The following UNC13C variants were observed in gnomAD, a reference collection of about 807,000 sequenced individuals.
UNC13C encodes protein unc-13 homolog C.
A neutral mutation model predicts 245.4 loss-of-function variants in UNC13C; 174 were observed. The observed-to-expected ratio is 0.71, with a 90% CI of 0.63 to 0.80. The LOEUF (loss-of-function observed/expected upper bound fraction) is 0.80, where lower values mean the gene tolerates loss of function less well. UNC13C is among the 30% of genes least tolerant of loss of function. UNC13C has a pLI of 0.00. For synonymous variants in UNC13C, 992 were observed against 895.1 expected (o/e 1.11, Z -1.93); for missense variants, 2,829 against 2,602.9 (o/e 1.09, Z -1.89).
chr15:54,248,890 G>A lies in UNC13C; in HGVS notation c.3229-1335G>A, dbSNP rs2140861314. Among the ~76,000 whole-genome samples, 3 of 152,280 alleles carry A rather than the reference G, an allele frequency of 2.0e-5. 1 individual carries two copies. In the South Asian group the frequency reaches 6.2e-4, roughly 32 times the overall value. ...GAAAACACAGAGTGAGAGGAATGTA[G>A]TAATAAAGGGAAATATGCTGTTACC... is the stretch of plus-strand genomic sequence containing the variant. On this transcript the variant is annotated intron_variant, in intron 7 of 32. Transcript: ENST00000260323.
intron 19 of UNC13C, among the ~76,000 whole-genome samples, chr15:54,449,868 G>A (rs977083343): frequency 6.6e-6 from 1 of 152,140 alleles, no homozygotes; most frequent in African/African-American, 2.4e-5. Context: ...AGAATTTTCA[G>A]TTTTTCTGCT....
In UNC13C at chr15:54,245,758, T is replaced by C. The variant is rs569658901; in HGVS notation, c.3229-4467T>C. On this transcript the variant is annotated intron_variant, in intron 7 of 32. Coordinates refer to ENST00000260323, the MANE Select transcript of UNC13C (RefSeq NM_001080534.3). ...TCACCGAAGAGTAGATATATTTTTT[T>C]CTGGAAAGCGTACATCAAGTATATG... is the stretch of plus-strand genomic sequence containing the variant. Among the ~76,000 whole-genome samples, 48 of 152,260 alleles carry C rather than the reference T, an allele frequency of 3.2e-4. 1 individual carries two copies. The highest frequency in any genetic ancestry group is 1.2e-3 in the African/African-American group (48 of 41,564).
At chr15:54,329,599 G>A (rs1254750603) in intron 14 of UNC13C, among the ~76,000 whole-genome samples, 2 of 151,952 alleles carry the variant, frequency 1.3e-5, no homozygotes, top group African/African-American at 2.4e-5. Flanking sequence ...GCTCTGCTCT[G>A]CAAAGGGAAT....
intron 4 of UNC13C, among the ~76,000 whole-genome samples, chr15:54,234,013 A>C (rs748729805): frequency 5.3e-5 from 8 of 152,228 alleles, no homozygotes; most frequent in Non-Finnish European, 1.5e-5. Context: ...AACTCATTCC[A>C]GAGAAACAAA....
At chr15:54,607,044 T>A (rs914021614) in intron 30 of UNC13C, among the ~76,000 whole-genome samples, 1 of 152,086 alleles carries the variant, frequency 6.6e-6, no homozygotes, top group Non-Finnish European at 1.5e-5. Context: ...GGAAAAAAAA[T>A]TGGCATTTTC....
chr15:54,402,150 C>G (rs1321613991), intron 18 of UNC13C, among the ~76,000 whole-genome samples: 1 of 151,550 alleles, frequency 6.6e-6, no homozygotes, highest in African/African-American at 2.4e-5. Flanking sequence ...TTTTGCAGAC[C>G]TGCAGTTCAT....
intron 2 of UNC13C, among the ~76,000 whole-genome samples, chr15:54,133,027 T>G (rs2031523006): frequency 6.6e-6 from 1 of 152,222 alleles, no homozygotes; most frequent in Non-Finnish European, 1.5e-5. Context: ...TGACTATATC[T>G]ATCCATCTTA....
intron 19 of UNC13C, among the ~76,000 whole-genome samples, chr15:54,482,303 T>G (rs1893163845): frequency 6.6e-6 from 1 of 152,206 alleles, no homozygotes; most frequent in Non-Finnish European, 1.5e-5. Context: ...GCTCTCAAAA[T>G]AGCACAATAT....
intron 4 of UNC13C, among the ~76,000 whole-genome samples, chr15:54,155,037 C>T (rs1196726153): frequency 1.3e-5 from 2 of 152,086 alleles, no homozygotes; most frequent in African/African-American, 4.8e-5. Flanking sequence ...AAACCTGTTC[C>T]AATCTTAATG....
the UNC13C span, among the ~76,000 whole-genome samples, chr15:53,891,930 T>G: frequency 6.6e-6 from 1 of 152,246 alleles, no homozygotes; most frequent in Admixed American, 6.5e-5. Context: ...TTTTGTCCAT[T>G]AGTTGATGCA....
intron 2 of UNC13C, among the ~76,000 whole-genome samples, chr15:54,141,856 T>C (rs1286293889): frequency 6.6e-6 from 1 of 152,182 alleles, no homozygotes; most frequent in Non-Finnish European, 1.5e-5. Context: ...CCAAAATATT[T>C]ACTTATGATA....
chr15:54,464,827 C>A (rs553587921), intron 19 of UNC13C, among the ~76,000 whole-genome samples: 60 of 150,652 alleles, frequency 4.0e-4, no homozygotes, highest in African/African-American at 1.4e-3. Context: ...TAAGGACTTA[C>A]AAATGGAATG....
chr15:54,517,331 A>G (rs1026146165), intron 24 of UNC13C, among the ~76,000 whole-genome samples: 2 of 152,166 alleles, frequency 1.3e-5, no homozygotes, highest in Non-Finnish European at 2.9e-5. Flanking sequence ...TGTTTTCTAA[A>G]CCAATTTGAA....
In UNC13C at chr15:54,446,030, C is replaced by T. The variant is rs149763459; in HGVS notation, c.4933+30963C>T. On this transcript the variant is annotated intron_variant, in intron 19 of 32. Coordinates refer to ENST00000260323, the MANE Select transcript of UNC13C (RefSeq NM_001080534.3). ...ACCTATGGCTAGCCAGTTTTCCCAG[C>T]ACCGTTTGTTGAATAGGGAATCCTT... Among the ~76,000 whole-genome samples the T allele has an allele frequency of 4.1e-3, 623 of 152,292 alleles. 5 individuals are homozygous for T. The highest frequency in any genetic ancestry group is 0.014 in the African/African-American group (595 of 41,558).
intron 8 of UNC13C, among the ~76,000 whole-genome samples, chr15:54,252,369 C>T (rs116218196): frequency 1.3e-3 from 200 of 152,092 alleles, no homozygotes; most frequent in African/African-American, 4.6e-3. Flanking sequence ...TTATGCAATC[C>T]AAAATTTTCA....
At chr15:54,600,762 T>C (rs1206187679) in intron 30 of UNC13C, among the ~76,000 whole-genome samples, 1 of 152,068 alleles carries the variant, frequency 6.6e-6, no homozygotes, top group East Asian at 1.9e-4. Flanking sequence ...CATACATAGA[T>C]CATTTATTCA....
At chr15:54,130,647 G>C (rs117670687) in intron 2 of UNC13C, among the ~76,000 whole-genome samples, 2,033 of 152,106 alleles carry the variant, frequency 0.013, 24 homozygotes, top group Non-Finnish European at 0.018. Context: ...TTTCTGTTTG[G>C]TATGAATTCT....
chr15:54,471,130 A>G (rs938330399), intron 19 of UNC13C, among the ~76,000 whole-genome samples: 1 of 151,498 alleles, frequency 6.6e-6, no homozygotes, highest in African/African-American at 2.4e-5. Flanking sequence ...CTAATATTTG[A>G]TCTATCTTGG....
At chr15:53,885,764 T>C in the UNC13C span, among the ~76,000 whole-genome samples, 25 of 152,276 alleles carry the variant, frequency 1.6e-4, no homozygotes, top group Non-Finnish European at 2.1e-4. Flanking sequence ...GTACCATAAA[T>C]GTGTGAAACA....
Sources: gnomAD v4.1 joint callset for allele counts (sites outside exome capture counted in the v4.1 genomes callset) on GRCh38, gnomAD v4.1.1 for gene constraint, MANE v1.5 for transcripts, NCBI Gene and HGNC (gene_info 2026-07-23, HGNC 2026-07-21) for gene names.